The following PRELID2 variants were observed in gnomAD, a reference collection of about 807,000 sequenced individuals.
PRELID2 encodes PRELI domain containing 2, also known as PRELI domain-containing protein 2.
A neutral mutation model predicts 28.4 loss-of-function variants in PRELID2; 25 were observed. The ratio of observed to expected loss-of-function variants is 0.88; its 90% CI spans 0.64 to 1.23. The LOEUF (loss-of-function observed/expected upper bound fraction) is 1.23, where lower values mean the gene tolerates loss of function less well. Ranked by LOEUF, PRELID2 falls within the 50% of genes most tolerant of loss-of-function variation. The pLI, the probability that PRELID2 is intolerant of heterozygous loss-of-function variation, is 0.00. For synonymous variants in PRELID2, 76 were observed against 71.6 expected (o/e 1.06, Z -0.31); for missense variants, 201 against 214.4 (o/e 0.94, Z 0.39).
At chr5:145,796,645 T>C in intron 4 of PRELID2, 98 bp from the exon 5 acceptor site, 1 of 579,250 alleles carries the variant, frequency 1.7e-6, no homozygotes, top group Non-Finnish European at 2.9e-6. Flanking sequence ...TTATAATCAA[T>C]AAAAAATAAT....
At position 145,774,270 on chromosome 5, in the gene PRELID2, T is replaced by C. The variant is rs567513994; in HGVS notation, c.475-9270A>G. On this transcript the variant is annotated intron_variant, in intron 5 of 6. Transcript: ENST00000683046. ...GAGGTAAATGACTTGTTCAAAGTCA[T>C]GTAGCTAGCAAGTGGCAGACCTAGG... Among the ~76,000 whole-genome samples the C allele has an allele frequency of 1.1e-4, 16 of 152,344 alleles. No individual in the cohort carries two copies. The East Asian group carries it at 2.7e-3, about 26-fold the overall frequency.
intron 1 of PRELID2, among the ~76,000 whole-genome samples, chr5:145,581,225 C>T (rs1412721298): frequency 6.6e-6 from 1 of 152,030 alleles, no homozygotes; most frequent in Non-Finnish European, 1.5e-5. Flanking sequence ...AAACCATCTT[C>T]TACTCCCCAC....
the PRELID2 span, among the ~76,000 whole-genome samples, chr5:145,272,988 T>G: frequency 6.6e-6 from 1 of 151,826 alleles, no homozygotes; most frequent in Non-Finnish European, 1.5e-5. Flanking sequence ...AAATACAGAG[T>G]AGCAGCAGGT....
chr5:145,688,004 C>G (rs137958762), intron 1 of PRELID2, among the ~76,000 whole-genome samples: 1 of 152,306 alleles, frequency 6.6e-6, no homozygotes, highest in East Asian at 1.9e-4. Flanking sequence ...GAAAAGCACT[C>G]ACATTCACAA....
chr5:145,314,178 T>G, the PRELID2 span, among the ~76,000 whole-genome samples: 1 of 152,206 alleles, frequency 6.6e-6, no homozygotes, highest in Admixed American at 6.5e-5. Flanking sequence ...TAGCCATGGG[T>G]ATGGCTCCAC....
At chr5:145,653,018 G>C (rs1754325698) in intron 1 of PRELID2, among the ~76,000 whole-genome samples, 2 of 152,236 alleles carry the variant, frequency 1.3e-5, no homozygotes, top group East Asian at 1.9e-4. Context: ...CTCACATGCA[G>C]AGACACACAT....
At chr5:145,458,445 C>A in the PRELID2 span, among the ~76,000 whole-genome samples, 2 of 152,032 alleles carry the variant, frequency 1.3e-5, no homozygotes, top group Admixed American at 6.6e-5. Context: ...AGTAAAATTC[C>A]AATTTCGTTA....
chr5:145,442,872 T>C, the PRELID2 span, among the ~76,000 whole-genome samples: 1 of 151,974 alleles, frequency 6.6e-6, no homozygotes, highest in South Asian at 2.1e-4. Flanking sequence ...AAACAGGACA[T>C]GAAGCTAGAC....
At chr5:145,663,743 G>A (rs1754537460) in intron 1 of PRELID2, among the ~76,000 whole-genome samples, 3 of 152,122 alleles carry the variant, frequency 2.0e-5, no homozygotes, top group Admixed American at 2.0e-4. Context: ...ATGTCTGGGA[G>A]ACCTTGGGCC....
chr5:145,635,051 C>A (rs1157782589), intron 1 of PRELID2, among the ~76,000 whole-genome samples: 1 of 152,152 alleles, frequency 6.6e-6, no homozygotes, highest in East Asian at 1.9e-4. Flanking sequence ...TGTGCACACA[C>A]CAGAATGCTA....
the PRELID2 span, among the ~76,000 whole-genome samples, chr5:145,395,404 G>A: frequency 2.0e-5 from 3 of 151,900 alleles, no homozygotes; most frequent in Non-Finnish European, 4.4e-5. Context: ...AAGGAATTTC[G>A]GCTCTATCCC....
intron 1 of PRELID2, among the ~76,000 whole-genome samples, chr5:145,511,125 T>C (rs1481333989): frequency 6.6e-6 from 1 of 152,216 alleles, no homozygotes; most frequent in Non-Finnish European, 1.5e-5. Context: ...ACTGCTGTCC[T>C]GAAATCCAGT....
chr5:145,822,960 G>A (rs1356534767), intron 2 of PRELID2, 117 bp downstream of exon 2: 2 of 556,228 alleles, frequency 3.6e-6, no homozygotes, highest in Non-Finnish European at 6.5e-6. Context: ...GGAAGAAACT[G>A]CAGGTGAACA....
chr5:145,446,737 C>G, the PRELID2 span, among the ~76,000 whole-genome samples: 1 of 152,072 alleles, frequency 6.6e-6, no homozygotes, highest in Non-Finnish European at 1.5e-5. Flanking sequence ...GCAAGAGGAA[C>G]AGATTGCTGT....
intron 1 of PRELID2, among the ~76,000 whole-genome samples, chr5:145,569,972 T>A (rs1224866039): frequency 1.3e-5 from 2 of 151,840 alleles, no homozygotes; most frequent in East Asian, 3.9e-4. Context: ...AGGGGAGGAG[T>A]CTGAGATCAA....
chr5:145,380,514 A>C, the PRELID2 span, among the ~76,000 whole-genome samples: 1 of 152,192 alleles, frequency 6.6e-6, no homozygotes, highest in Admixed American at 6.5e-5. Flanking sequence ...GCTCAAATAT[A>C]ACTTCTCAAC....
the PRELID2 span, among the ~76,000 whole-genome samples, chr5:145,232,023 C>T: frequency 6.6e-6 from 1 of 152,180 alleles, no homozygotes; most frequent in African/African-American, 2.4e-5. Context: ...CTCATGCATA[C>T]ACCACCCTAG....
At chr5:145,374,775 CT>C in the PRELID2 span, among the ~76,000 whole-genome samples, 4 of 152,128 alleles carry the variant, frequency 2.6e-5, no homozygotes, top group Non-Finnish European at 5.9e-5. Context: ...GTCAATTTGG[CT>C]TTTGATACTT....
chr5:145,502,482 A>T (rs185417592), intron 1 of PRELID2, among the ~76,000 whole-genome samples: 58 of 152,308 alleles, frequency 3.8e-4, no homozygotes, highest in African/African-American at 1.3e-3. Flanking sequence ...GGTAGAGATA[A>T]CAGAAGCTAT....
Sources: gnomAD v4.1 joint callset for allele counts (sites outside exome capture counted in the v4.1 genomes callset) on GRCh38, gnomAD v4.1.1 for gene constraint, MANE v1.5 for transcripts, NCBI Gene and HGNC (gene_info 2026-07-23, HGNC 2026-07-21) for gene names.